Variants in CTNNBL1 observed in about 807,000 individuals in gnomAD.
CTNNBL1 encodes the protein catenin beta like 1, also known as beta-catenin-like protein 1.
In CTNNBL1, 31 loss-of-function variants were observed where a neutral mutation model predicts 72.7. The ratio of observed to expected loss-of-function variants is 0.43; its 90% CI spans 0.32 to 0.58. The LOEUF (loss-of-function observed/expected upper bound fraction) is 0.58. CTNNBL1 is among the 20% of genes least tolerant of loss of function. The probability of loss-of-function intolerance (pLI) is 0.08; values close to 1 mark genes in which losing one functional copy is unlikely to be tolerated. For missense variants in CTNNBL1, 534 were observed against 725.1 expected, an observed-to-expected ratio of 0.74 and a Z score of 3.03; for synonymous variants, 240 against 267.3, an observed-to-expected ratio of 0.90 and a Z score of 1.00.
intron 5 of CTNNBL1, among the ~76,000 whole-genome samples, chr20:37,761,938 G>C (rs2073421242): frequency 6.6e-6 from 1 of 152,250 alleles, no homozygotes; most frequent in South Asian, 2.1e-4. Context: ...TTAATGTGCA[G>C]CTGGGGCGAG....
At chr20:37,759,265 G>A (rs553324998) in intron 5 of CTNNBL1, among the ~76,000 whole-genome samples, 70 of 152,272 alleles carry the variant, frequency 4.6e-4, no homozygotes, top group Admixed American at 1.6e-3. Flanking sequence ...TGTGGCACTT[G>A]CTCCTACTCT....
chr20:37,841,913 G>T (rs2072307417), intron 12 of CTNNBL1, among the ~76,000 whole-genome samples: 1 of 152,096 alleles, frequency 6.6e-6, no homozygotes, highest in African/African-American at 2.4e-5. Flanking sequence ...TCAGCTCTGG[G>T]GCAGAATCTG....
At chr20:37,729,938 T>TA (rs1223283751) in intron 1 of CTNNBL1, among the ~76,000 whole-genome samples, 1 of 152,184 alleles carries the variant, frequency 6.6e-6, no homozygotes, top group African/African-American at 2.4e-5. Flanking sequence ...TTATGGAAAA[T>TA]AAAGTGTGTT....
At chr20:37,725,300 A>ATT (rs879340102) in intron 1 of CTNNBL1, among the ~76,000 whole-genome samples, 2 of 145,730 alleles carry the variant, frequency 1.4e-5, no homozygotes, top group African/African-American at 2.5e-5. Flanking sequence ...AGCCTCTTTG[A>ATT]TTTTTTTTTT....
chr20:37,699,011 G>A (rs1024153611), intron 1 of CTNNBL1, among the ~76,000 whole-genome samples: 1 of 152,104 alleles, frequency 6.6e-6, no homozygotes, highest in African/African-American at 2.4e-5. Context: ...ATGCCACTGT[G>A]CTCTAGCCTG....
chr20:37,765,059 G>C (rs2073453430), intron 5 of CTNNBL1, 138 bp from the exon 6 acceptor site: 1 of 653,072 alleles, frequency 1.5e-6, no homozygotes, highest in Non-Finnish European at 2.8e-6. Flanking sequence ...GGATGGGAGA[G>C]CACCTTGTAA....
At chr20:37,777,835 AG>A in intron 9 of CTNNBL1, 123 bp downstream of exon 9, 1 of 991,944 alleles carries the variant, frequency 1.0e-6, no homozygotes, top group South Asian at 1.3e-5. Context: ...GCATGTTGGC[AG>A]GTTTGAGGGT....
At position 37,842,366 on chromosome 20, in the gene CTNNBL1, A is replaced by G; in HGVS notation, c.1339A>G (p.Lys447Glu). The change falls in exon 13 of 16, where the codon AAA becomes GAA. Residue 447 changes from lysine (K) to glutamate (E), a missense_variant. Physicochemically the swap from Lys to Glu is moderately conservative, Grantham distance 56. Transcript: ENST00000361383. ...TGACAGACTAATGGAGTTGCATTTTAAATATCTGGGTGCAATGCAGGTGGC... is the reference window on the plus strand; with the variant it reads ...TGACAGACTAATGGAGTTGCATTTTGAATATCTGGGTGCAATGCAGGTGGC... ...KVDRLMELHFKYLGAMQVADK... is the reference protein window; with the variant it reads ...KVDRLMELHFEYLGAMQVADK... 3 of 1,613,738 alleles carry G rather than the reference A, an allele frequency of 1.9e-6. No homozygotes were observed. Among genetic ancestry groups the G allele is most frequent in the Non-Finnish European group, 2.5e-6 (3 of 1,179,624 alleles).
intron 15 of CTNNBL1, among the ~76,000 whole-genome samples, chr20:37,864,725 C>G (rs1049585614): frequency 6.6e-6 from 1 of 152,248 alleles, no homozygotes; most frequent in Non-Finnish European, 1.5e-5. Flanking sequence ...AGAACAGCAG[C>G]AGACTTACTG....
chr20:37,735,226 C>CTCCTCCCT (rs1568756564), intron 2 of CTNNBL1, among the ~76,000 whole-genome samples: 1 of 152,092 alleles, frequency 6.6e-6, no homozygotes, highest in East Asian at 1.9e-4. Flanking sequence ...CTCCCCTCCC[C>CTCCTCCCT]TCCTCCCTTC....
At chr20:37,718,136 T>C (rs989385346) in intron 1 of CTNNBL1, among the ~76,000 whole-genome samples, 18 of 151,794 alleles carry the variant, frequency 1.2e-4, no homozygotes, top group African/African-American at 2.9e-4. Context: ...ACCTCCCAGA[T>C]GGGGTGGTGG....
intron 1 of CTNNBL1, among the ~76,000 whole-genome samples, chr20:37,709,500 C>G (rs2072919176): frequency 6.6e-6 from 1 of 152,194 alleles, no homozygotes; most frequent in African/African-American, 2.4e-5. Context: ...TAAAAAGAAA[C>G]AAATTGTAGC....
chr20:37,845,324 A>C (rs1300926866), intron 13 of CTNNBL1, among the ~76,000 whole-genome samples: 2 of 152,194 alleles, frequency 1.3e-5, no homozygotes, highest in Non-Finnish European at 2.9e-5. Context: ...ATTATCTATT[A>C]TCAGCATTGA....
At chr20:37,834,124 A>T (rs763991732) in intron 11 of CTNNBL1, among the ~76,000 whole-genome samples, 2 of 152,170 alleles carry the variant, frequency 1.3e-5, no homozygotes, top group Non-Finnish European at 2.9e-5. Flanking sequence ...GTGGAAATGC[A>T]TGCCAGTGTC....
intron 10 of CTNNBL1, among the ~76,000 whole-genome samples, chr20:37,788,887 G>A (rs1016412408): frequency 2.6e-5 from 4 of 152,122 alleles, no homozygotes; most frequent in Non-Finnish European, 5.9e-5. Flanking sequence ...AGTTTTCCCT[G>A]TCACACAGGT....
intron 1 of CTNNBL1, among the ~76,000 whole-genome samples, chr20:37,703,905 G>A (rs1287923098): frequency 6.6e-6 from 1 of 151,886 alleles, no homozygotes; most frequent in Non-Finnish European, 1.5e-5. Context: ...AGCCTCCTGA[G>A]TCGCCGGGAT....
At position 37,848,624 on chromosome 20, in the gene CTNNBL1, C is replaced by CCT. The variant is rs2072367881; in HGVS notation, c.1392+6207_1392+6208dup. 3.3e-5 allele frequency among the ~76,000 whole-genome samples: 5 copies of CCT among 152,286 alleles called. No homozygotes were observed. In the South Asian group the frequency reaches 8.3e-4, roughly 25 times the overall value. ...CCATTTGCTCATTCACCCTCTACTG[C>CCT]CTCCCTGCCTGCCCCCTTGCCAATC... On this transcript the variant is annotated intron_variant, in intron 13 of 15. Coordinates refer to ENST00000361383, the MANE Select transcript of CTNNBL1 (RefSeq NM_030877.5).
At chr20:37,838,254 GC>G (rs1372940787) in intron 11 of CTNNBL1, among the ~76,000 whole-genome samples, 1 of 152,216 alleles carries the variant, frequency 6.6e-6, no homozygotes, top group Non-Finnish European at 1.5e-5. Flanking sequence ...AAGGAATCAT[GC>G]TGGCTGCTCT....
In CTNNBL1 at chr20:37,802,894, C is replaced by G. The variant is rs1600497354; in HGVS notation, c.1059C>G (p.Ala353=). The change falls in exon 11 of 16, where the codon GCC becomes GCG. Residue 353 remains alanine, a synonymous_variant. Transcript: ENST00000361383. The part of the protein sequence containing the change: ...LREKKISRSS[A]LKVLDHAMIG... ...AAAAGAAGATCTCCCGGAGCAGTGC[C>G]CTGAAAGTGCTGGACCATGCCATGA... 2 of 1,613,600 alleles carry G rather than the reference C, an allele frequency of 1.2e-6. No individual in the cohort carries two copies. The highest frequency in any genetic ancestry group is 1.7e-6 in the Non-Finnish European group (2 of 1,179,732).
Sources: gnomAD v4.1 joint callset for allele counts (sites outside exome capture counted in the v4.1 genomes callset) on GRCh38, gnomAD v4.1.1 for gene constraint, MANE v1.5 for transcripts, NCBI Gene and HGNC (gene_info 2026-07-23, HGNC 2026-07-21) for gene names.